LARGE1: variants seen among roughly 807,000 people sequenced by gnomAD.
The protein encoded by LARGE1 is LARGE xylosyl- and glucuronyltransferase 1, also known as xylosyl- and glucuronyltransferase LARGE1.
LARGE1 carries 43 observed loss-of-function variants against 87.6 expected under a neutral mutation model. The ratio of observed to expected loss-of-function variants is 0.49; its 90% CI spans 0.38 to 0.63. The LOEUF is 0.63. LARGE1 is among the 30% of genes least tolerant of loss of function. The pLI is 0.00. For missense variants in LARGE1, 802 were observed against 1,000.2 expected, an observed-to-expected ratio of 0.80 and a Z score of 2.67; for synonymous variants, 434 against 394.6, an observed-to-expected ratio of 1.10 and a Z score of -1.18.
At chr22:33,268,723 G>A (rs1299693969), downstream of LARGE1, among the ~76,000 whole-genome samples, 3 of 152,160 alleles carry the variant, frequency 2.0e-5, no homozygotes, top group African/African-American at 4.8e-5. Context: ...CACCGCGCCC[G>A]GCCTAGTTGT....
intron 6 of LARGE1, among the ~76,000 whole-genome samples, chr22:33,548,338 G>A (rs1468210731): frequency 6.6e-6 from 1 of 152,098 alleles, no homozygotes; most frequent in Admixed American, 6.6e-5. Context: ...AACAGATACT[G>A]CCATGTTTCC....
chr22:33,624,463 A>G (rs1436880305), intron 4 of LARGE1, among the ~76,000 whole-genome samples: 2 of 152,214 alleles, frequency 1.3e-5, no homozygotes, highest in African/African-American at 4.8e-5. Context: ...ATGCTTATGT[A>G]AAGTCTTAAA....
chr22:33,784,599 T>A (rs1425576852), intron 1 of LARGE1, among the ~76,000 whole-genome samples: 1 of 152,168 alleles, frequency 6.6e-6, no homozygotes, highest in Non-Finnish European at 1.5e-5. Flanking sequence ...GCAAGATCAA[T>A]AATGTATTGA....
intron 2 of LARGE1, among the ~76,000 whole-genome samples, chr22:33,725,305 G>A (rs1447548660): frequency 2.0e-5 from 3 of 152,184 alleles, no homozygotes; most frequent in Non-Finnish European, 4.4e-5. Context: ...GCACAGAGGC[G>A]ACAGGGTGGT....
intron 11 of LARGE1, among the ~76,000 whole-genome samples, chr22:33,183,527 A>G (rs539621584): frequency 6.6e-6 from 1 of 152,098 alleles, no homozygotes; most frequent in Middle Eastern, 3.4e-3. Context: ...AGATAGTTGT[A>G]CCCCTATATT....
At chr22:33,341,856 G>T (rs556638426) in intron 9 of LARGE1, among the ~76,000 whole-genome samples, 1 of 152,208 alleles carries the variant, frequency 6.6e-6, no homozygotes, top group Non-Finnish European at 1.5e-5. Flanking sequence ...TTCCATGTTA[G>T]AGTGGTTCCA....
At chr22:33,519,760 T>C (rs1039679929) in intron 6 of LARGE1, among the ~76,000 whole-genome samples, 30 of 152,128 alleles carry the variant, frequency 2.0e-4, no homozygotes, top group African/African-American at 7.0e-4. Flanking sequence ...AGAAAACAAT[T>C]CATTCTTTGA....
intron 2 of LARGE1, 39 bp downstream of exon 2, chr22:33,761,332 T>C (rs2084721743): frequency 6.8e-7 from 1 of 1,478,224 alleles, no homozygotes; most frequent in African/African-American, 1.4e-5. Flanking sequence ...ATGTTCCCTT[T>C]CTTCCCTCCT....
chr22:33,739,620 T>G (rs1386468032), intron 2 of LARGE1, among the ~76,000 whole-genome samples: 2 of 152,054 alleles, frequency 1.3e-5, no homozygotes, highest in Non-Finnish European at 2.9e-5. Flanking sequence ...GTCAGAGAAG[T>G]GAACTCACTG....
At chr22:33,582,404 GA>G (rs796861651) in intron 5 of LARGE1, among the ~76,000 whole-genome samples, 332 of 143,360 alleles carry the variant, frequency 2.3e-3, no homozygotes, top group African/African-American at 7.3e-3. Context: ...CTTGAAAGAG[GA>G]AAAAAAAAAA....
intron 10 of LARGE1, among the ~76,000 whole-genome samples, chr22:33,329,739 C>T (rs1937522566): frequency 6.6e-6 from 1 of 152,118 alleles, no homozygotes; most frequent in Non-Finnish European, 1.5e-5. Context: ...ACTTTAGCAG[C>T]AAGTTTCCTG....
At chr22:33,519,235 C>CATGT (rs2071453079) in intron 6 of LARGE1, among the ~76,000 whole-genome samples, 1 of 149,544 alleles carries the variant, frequency 6.7e-6, no homozygotes, top group Admixed American at 6.7e-5. Context: ...CGTGCGCGCG[C>CATGT]GTGTGTGTGT....
intron 6 of LARGE1, among the ~76,000 whole-genome samples, chr22:33,434,721 T>G (rs1207167922): frequency 6.6e-6 from 1 of 152,234 alleles, no homozygotes; most frequent in Non-Finnish European, 1.5e-5. Flanking sequence ...GCCTGTTTAC[T>G]TCTTCAGACA....
intron 11 of LARGE1, among the ~76,000 whole-genome samples, chr22:33,256,188 T>C (rs969504582): frequency 6.6e-6 from 1 of 152,254 alleles, no homozygotes; most frequent in Non-Finnish European, 1.5e-5. Flanking sequence ...TCTTTCAATC[T>C]TTCCAATGTG....
chr22:33,297,296 C>A (rs1024843013), intron 12 of LARGE1, among the ~76,000 whole-genome samples: 1 of 152,138 alleles, frequency 6.6e-6, no homozygotes, highest in African/African-American at 2.4e-5. Flanking sequence ...ACAGTCTCTA[C>A]CCAGTGTGGC....
intron 6 of LARGE1, among the ~76,000 whole-genome samples, chr22:33,475,434 ATTTATTT>A (rs1446803186): frequency 7.3e-6 from 1 of 136,726 alleles, no homozygotes; most frequent in Non-Finnish European, 1.5e-5. Context: ...ATATTTATTT[ATTTATTT>A]ATTTATTTAT....
intron 1 of LARGE1, among the ~76,000 whole-genome samples, chr22:33,767,070 T>C (rs2084931183): frequency 6.6e-6 from 1 of 150,680 alleles, no homozygotes; most frequent in East Asian, 2.0e-4. Context: ...TCTCAGCACT[T>C]TGGGAGGCCG....
intron 1 of LARGE1, among the ~76,000 whole-genome samples, chr22:33,818,538 A>G (rs2086725494): frequency 6.6e-6 from 1 of 152,190 alleles, no homozygotes; most frequent in African/African-American, 2.4e-5. Context: ...GGCCCTGAGA[A>G]GAGCCCTAGA....
At chr22:33,104,409 G>A in the LARGE1 span, among the ~76,000 whole-genome samples, 1 of 152,228 alleles carries the variant, frequency 6.6e-6, no homozygotes, top group Non-Finnish European at 1.5e-5. Flanking sequence ...TAAATGAGCT[G>A]CACTGATGGT....
Sources: gnomAD v4.1 joint callset for allele counts (sites outside exome capture counted in the v4.1 genomes callset) on GRCh38, gnomAD v4.1.1 for gene constraint, MANE v1.5 for transcripts, NCBI Gene and HGNC (gene_info 2026-07-23, HGNC 2026-07-21) for gene names.